The following CPNE1 variants were observed in gnomAD, a reference collection of about 807,000 sequenced individuals.
CPNE1 encodes copine 1, also known as copine-1.
CPNE1 carries 58 observed loss-of-function variants against 63.2 expected under a neutral mutation model. The observed-to-expected ratio is 0.92, with a 90% CI of 0.74 to 1.14. CPNE1 has a LOEUF of 1.14. Among genes scored for constraint, CPNE1 ranks in the 50% most tolerant of loss-of-function variants. The pLI, the probability that CPNE1 is intolerant of heterozygous loss-of-function variation, is 0.00. For synonymous variants in CPNE1, 237 were observed against 249.0 expected (o/e 0.95, Z 0.45); for missense variants, 672 against 661.7 (o/e 1.02, Z -0.17).
In CPNE1 at chr20:35,648,542, T is replaced by C. The variant is rs371370574; in HGVS notation, c.1-15619A>G. On this transcript the variant is annotated intron_variant, in intron 1 of 15. Transcript: ENST00000397443. Reference sequence around the variant, plus strand: ...GTCCATTGCTTAGTCAAATCCCGATTATTTAATAATGGCTCAGCTACTACC... The same window carrying C: ...GTCCATTGCTTAGTCAAATCCCGATCATTTAATAATGGCTCAGCTACTACC... 4.6e-5 allele frequency among the ~76,000 whole-genome samples: 7 copies of C among 152,334 alleles called. No homozygotes were observed. In the East Asian group the frequency reaches 7.7e-4, roughly 17 times the overall value.
At chr20:35,664,657 G>T (rs1363158922) in intron 1 of CPNE1, 103 bp downstream of exon 1, 1 of 152,468 alleles carries the variant, frequency 6.6e-6, no homozygotes, top group Non-Finnish European at 1.5e-5. Context: ...TGGGGCGCTA[G>T]TTGCCGCGGG....
Position 35,662,695 on chromosome 20 carries a change from G to A in CPNE1, c.-1+2065C>T, listed in dbSNP as rs145618595. ...AAATGGAGTAAAAACTATCAACACT[G>A]TCACTGGATTCCAGCACCTGGAACA... On this transcript the variant is annotated intron_variant, in intron 1 of 15. Transcript: ENST00000397443. Among the ~76,000 whole-genome samples the A allele has an allele frequency of 1.6e-3, 237 of 152,274 alleles. 4 individuals carry two copies. The highest frequency in any genetic ancestry group is 0.014 in the Admixed American group (212 of 15,290).
At chr20:35,648,515 T>C (rs1013344177) in intron 1 of CPNE1, among the ~76,000 whole-genome samples, 1 of 152,210 alleles carries the variant, frequency 6.6e-6, no homozygotes, top group African/African-American at 2.4e-5. Context: ...ACTCAGTGAT[T>C]TGTCCATTGC....
chr20:35,663,056 T>G (rs2034322513), intron 1 of CPNE1, among the ~76,000 whole-genome samples: 1 of 152,244 alleles, frequency 6.6e-6, no homozygotes, highest in Non-Finnish European at 1.5e-5. Context: ...TCTTCATTGT[T>G]TTGTATAAAC....
intron 1 of CPNE1, chr20:35,652,800 A>G (rs1426484724): frequency 6.2e-7 from 1 of 1,608,408 alleles, no homozygotes; most frequent in South Asian, 1.1e-5. Context: ...CAGGGGGACC[A>G]CCAATATGGA....
chr20:35,656,361 T>C (rs1306574344), intron 1 of CPNE1, among the ~76,000 whole-genome samples: 1 of 152,152 alleles, frequency 6.6e-6, no homozygotes, highest in Non-Finnish European at 1.5e-5. Context: ...AAAAAAGAAA[T>C]GTTCCCCTCA....
intron 1 of CPNE1, among the ~76,000 whole-genome samples, chr20:35,657,520 A>G (rs1041228000): frequency 6.6e-6 from 1 of 152,342 alleles, no homozygotes; most frequent in Admixed American, 6.5e-5. Context: ...AACTTGATAT[A>G]GTCCCAAGAA....
chr20:35,626,053 A>G lies in CPNE1; in HGVS notation c.*188T>C, dbSNP rs2031714355. On this transcript the variant is annotated 3_prime_UTR_variant, in exon 16 of 16. Coordinates refer to ENST00000397443, the MANE Select transcript of CPNE1 (RefSeq NM_152925.3). The stretch of plus-strand genomic sequence containing the variant: ...GAGTGGTGGCAAAGCATTGGTCTTC[A>G]CTGGTCTTTATTGAATGAGGGTTGT... 1.5e-6 allele frequency: 1 copy of G among 680,128 alleles called. No homozygotes were observed. The highest frequency in any genetic ancestry group is 1.8e-5 in the African/African-American group (1 of 55,940). 42.1% of individuals were successfully genotyped at this position (680,128 alleles called of 1,614,324 possible).
At chr20:35,646,607 G>C (rs2033118033) in intron 1 of CPNE1, among the ~76,000 whole-genome samples, 1 of 151,986 alleles carries the variant, frequency 6.6e-6, no homozygotes, top group Non-Finnish European at 1.5e-5. Context: ...GCAGTGAAGG[G>C]GCTTCAGTCT....
rs143635038 is a variant in CPNE1, at chr20:35,632,676, C to T, written c.150G>A (p.Val50=). ...SWAELGRTER[V]RNCSSPEFSK... ...AGAACTCAGGGCTTGAGCAGTTCCGCACCCGTTCAGTCCGGCCAAGCTGTG... is the reference window on the plus strand; with the variant it reads ...AGAACTCAGGGCTTGAGCAGTTCCGTACCCGTTCAGTCCGGCCAAGCTGTG... Residue 50 remains valine (V), a synonymous_variant, in exon 3 of 16, where the codon GTG becomes GTA. Coordinates refer to ENST00000397443, the MANE Select transcript of CPNE1 (RefSeq NM_152925.3). The T allele has an allele frequency of 5.2e-6, 6 of 1,144,456 alleles. No individual in the cohort carries two copies. Among genetic ancestry groups the T allele is most frequent in the Non-Finnish European group, 6.7e-6 (5 of 750,706 alleles). 70.9% of individuals were successfully genotyped at this position (1,144,456 alleles called of 1,614,324 possible).
At chr20:35,643,551 T>C (rs1312646977) in intron 1 of CPNE1, 1 of 152,180 alleles carries the variant, frequency 6.6e-6, no homozygotes, top group Non-Finnish European at 1.5e-5. Context: ...GAGACCAGCC[T>C]GGCCAACATG....
chr20:35,631,261 G>A lies in CPNE1; in HGVS notation c.801+7C>T. 1.9e-6 allele frequency: 3 copies of A among 1,614,128 alleles called. No individual in the cohort carries two copies. The highest frequency in any genetic ancestry group is 2.5e-6 in the Non-Finnish European group (3 of 1,179,972). The stretch of plus-strand genomic sequence containing the variant: ...CAGAGCCTTGGTTACATGGGCTTTT[G>A]TCTCACCCGACAAATCTTGACACGG... On this transcript the variant is annotated splice_region_variant and intron_variant, in intron 9 of 15. Transcript: ENST00000397443.
intron 1 of CPNE1, among the ~76,000 whole-genome samples, chr20:35,655,902 T>C (rs1018737512): frequency 1.3e-5 from 2 of 152,188 alleles, no homozygotes; most frequent in African/African-American, 4.8e-5. Context: ...TAAAAGTAGA[T>C]TCAAGTCTTA....
chr20:35,654,409 T>C (rs367922597), intron 1 of CPNE1: 2 of 1,614,052 alleles, frequency 1.2e-6, no homozygotes, highest in African/African-American at 1.3e-5. Context: ...CACACTGACA[T>C]ACAGATCATC....
Position 35,626,694 on chromosome 20 carries a change from C to A in CPNE1, c.1346G>T (p.Gly449Val), listed in dbSNP as rs918134800. Reference sequence around the variant, plus strand: ...GGCCTCAAAGTCAGCACCACCCACACCCACAATGATCACTGACATGGGCAG... The same window carrying A: ...GGCCTCAAAGTCAGCACCACCCACAACCACAATGATCACTGACATGGGCAG... ...SNLPMSVIIV[G>V]VGGADFEAME... The change falls in exon 15 of 16, where the codon GGT becomes GTT. Residue 449 changes from glycine (G) to valine (V), a missense_variant. Gly to Val is a moderately radical substitution (Grantham distance 109, BLOSUM62 -3). Transcript: ENST00000397443. The A allele has an allele frequency of 6.2e-7, 1 of 1,614,064 alleles. No homozygotes were observed. The highest frequency in any genetic ancestry group is 1.3e-5 in the African/African-American group (1 of 74,910).
At chr20:35,649,406 C>T (rs2033344889) in intron 1 of CPNE1, 1 of 152,278 alleles carries the variant, frequency 6.6e-6, no homozygotes. Flanking sequence ...TTGCTTACTT[C>T]CATACAGTCC....
At chr20:35,655,353 G>T (rs759115575) in intron 1 of CPNE1, 2 of 1,579,118 alleles carry the variant, frequency 1.3e-6, no homozygotes, top group African/African-American at 1.4e-5. Flanking sequence ...ACCTGCAGAT[G>T]AGAAAAGGCA....
chr20:35,638,772 T>C (rs1399632979), intron 1 of CPNE1, among the ~76,000 whole-genome samples: 2 of 152,268 alleles, frequency 1.3e-5, no homozygotes, highest in Non-Finnish European at 2.9e-5. Flanking sequence ...CCAATTGTGA[T>C]GTTTATAGAA....
At position 35,632,497 on chromosome 20, in the gene CPNE1, T is replaced by C. The variant is rs1447977766; in HGVS notation, c.309+20A>G. The C allele has an allele frequency of 6.2e-7, 1 of 1,612,720 alleles. No individual in the cohort carries two copies. The highest frequency in any genetic ancestry group is 1.1e-5 in the South Asian group (1 of 91,058). The stretch of plus-strand genomic sequence containing the variant: ...TCACAGACCTGCATCTGAAGGATCC[T>C]AATCCCCAGCCCTACATACCTGTCC... On this transcript the variant is annotated intron_variant, in intron 3 of 15. Coordinates refer to ENST00000397443, the MANE Select transcript of CPNE1 (RefSeq NM_152925.3).
Sources: allele counts gnomAD v4.1 joint callset (sites outside exome capture counted in the v4.1 genomes callset), GRCh38; gene constraint gnomAD v4.1.1; transcripts MANE v1.5; gene names NCBI Gene and HGNC (gene_info 2026-07-23, HGNC 2026-07-21).